CPNE4: variants seen among roughly 807,000 people sequenced by gnomAD.
CPNE4 encodes copine 4, also known as copine-4.
CPNE4 carries 25 observed loss-of-function variants against 67.9 expected under a neutral mutation model. The observed-to-expected ratio is 0.37, with a 90% CI of 0.27 to 0.51. CPNE4 has a LOEUF of 0.51. Ranked by LOEUF, CPNE4 falls within the 20% of genes least tolerant of loss-of-function variation. The probability of loss-of-function intolerance (pLI) is 0.93; values close to 1 mark genes in which losing one functional copy is unlikely to be tolerated. For missense variants in CPNE4, 464 were observed against 690.8 expected (o/e 0.67, Z 3.68); for synonymous variants, 242 against 244.9 (o/e 0.99, Z 0.11).
intron 2 of CPNE4, among the ~76,000 whole-genome samples, chr3:131,857,166 T>C (rs1382837241): frequency 6.6e-6 from 1 of 152,022 alleles, no homozygotes; most frequent in African/African-American, 2.4e-5. Context: ...AACACCTTAT[T>C]GAAAGATACT....
Position 131,990,821 on chromosome 3 carries a change from C to A in CPNE4, c.-2+43746G>T, listed in dbSNP as rs755510277. On this transcript the variant is annotated intron_variant, in intron 1 of 15. Coordinates refer to ENST00000429747, the MANE Select transcript of CPNE4 (RefSeq NM_130808.3). ...CAAATCTCATCTTGAATTATAATTCCCATAATCCCCATGTGTCATGGGAGG... is the reference window on the plus strand; with the variant it reads ...CAAATCTCATCTTGAATTATAATTCACATAATCCCCATGTGTCATGGGAGG... Among the ~76,000 whole-genome samples the A allele has an allele frequency of 5.2e-5, 7 of 135,346 alleles. 3 individuals carry two copies. The highest frequency in any genetic ancestry group is 1.0e-4 in the Non-Finnish European group (6 of 59,678). 88.8% of individuals were successfully genotyped at this position (135,346 alleles called of 152,430 possible).
chr3:131,942,215 A>T (rs2071407580), intron 1 of CPNE4, among the ~76,000 whole-genome samples: 1 of 152,114 alleles, frequency 6.6e-6, no homozygotes. Context: ...TCTCTTGTTT[A>T]TAAGGCACTT....
At chr3:131,989,019 T>C (rs1246657434) in intron 1 of CPNE4, among the ~76,000 whole-genome samples, 1 of 152,232 alleles carries the variant, frequency 6.6e-6, no homozygotes, top group Non-Finnish European at 1.5e-5. Context: ...TATATAGAGA[T>C]ACATGCTTAG....
At chr3:131,643,492 A>G (rs2079587913) in intron 7 of CPNE4, among the ~76,000 whole-genome samples, 1 of 152,184 alleles carries the variant, frequency 6.6e-6, no homozygotes, top group Non-Finnish European at 1.5e-5. Flanking sequence ...CTCATAGGCA[A>G]AAGGGATCAG....
intron 1 of CPNE4, among the ~76,000 whole-genome samples, chr3:131,972,059 T>C (rs959251278): frequency 2.6e-5 from 4 of 152,110 alleles, no homozygotes; most frequent in Admixed American, 1.3e-4. Flanking sequence ...AAAATGTTCA[T>C]GGCAACTGAG....
At chr3:131,867,079 T>A (rs569077642) in intron 2 of CPNE4, among the ~76,000 whole-genome samples, 3 of 152,112 alleles carry the variant, frequency 2.0e-5, no homozygotes, top group African/African-American at 7.2e-5. Flanking sequence ...GAAATTCAGG[T>A]GAGAAGTCAA....
chr3:131,545,869 T>C (rs1935807356), intron 14 of CPNE4, among the ~76,000 whole-genome samples: 1 of 152,070 alleles, frequency 6.6e-6, no homozygotes, highest in Non-Finnish European at 1.5e-5. Flanking sequence ...CAAGACCATC[T>C]TGGCCAACAT....
At chr3:131,547,907 A>G (rs1421653288) in intron 14 of CPNE4, among the ~76,000 whole-genome samples, 1 of 152,160 alleles carries the variant, frequency 6.6e-6, no homozygotes, top group African/African-American at 2.4e-5. Context: ...AACTGTGGTC[A>G]ACTATGTTAA....
At chr3:131,636,319 C>T (rs1319906375) in intron 7 of CPNE4, among the ~76,000 whole-genome samples, 1 of 152,182 alleles carries the variant, frequency 6.6e-6, no homozygotes, top group African/African-American at 2.4e-5. Flanking sequence ...GTGAGACCGG[C>T]CTTTAGGATT....
intron 6 of CPNE4, among the ~76,000 whole-genome samples, chr3:131,677,361 T>A (rs1322180099): frequency 6.6e-6 from 1 of 152,128 alleles, no homozygotes; most frequent in Non-Finnish European, 1.5e-5. Context: ...TTTGCAAAAA[T>A]TTTCTCCCAT....
intron 1 of CPNE4, among the ~76,000 whole-genome samples, chr3:132,003,658 T>C (rs1016799966): frequency 6.6e-6 from 1 of 152,070 alleles, no homozygotes; most frequent in Non-Finnish European, 1.5e-5. Flanking sequence ...ACAAGCACAC[T>C]GTCCTTGAAT....
At chr3:131,655,054 A>G (rs1432325229) in intron 7 of CPNE4, among the ~76,000 whole-genome samples, 1 of 152,252 alleles carries the variant, frequency 6.6e-6, no homozygotes, top group Admixed American at 6.5e-5. Context: ...GTTTTCATAA[A>G]AAAGAAACAG....
chr3:131,720,081 T>C (rs981686329), intron 3 of CPNE4, among the ~76,000 whole-genome samples: 1 of 152,138 alleles, frequency 6.6e-6, no homozygotes, highest in Non-Finnish European at 1.5e-5. Flanking sequence ...GGGTATTAAA[T>C]AGGCAATCCA....
intron 2 of CPNE4, among the ~76,000 whole-genome samples, chr3:131,819,559 G>T (rs1204559803): frequency 6.6e-6 from 1 of 151,540 alleles, no homozygotes. Context: ...TGCTTGGCAT[G>T]AATATGTATA....
upstream of CPNE4, chr3:132,038,083 T>A (rs2074367478): frequency 6.5e-6 from 1 of 153,282 alleles, no homozygotes; most frequent in Non-Finnish European, 1.4e-5. Flanking sequence ...GTGGATCATA[T>A]AAGAACTTTG....
chr3:131,738,756 G>C (rs1007280040), intron 2 of CPNE4, among the ~76,000 whole-genome samples: 1 of 151,794 alleles, frequency 6.6e-6, no homozygotes, highest in African/African-American at 2.4e-5. Flanking sequence ...CCTTGATTTT[G>C]CTTAATCAAA....
At chr3:131,830,158 C>T (rs2085311132) in intron 2 of CPNE4, among the ~76,000 whole-genome samples, 1 of 152,100 alleles carries the variant, frequency 6.6e-6, no homozygotes, top group Non-Finnish European at 1.5e-5. Context: ...AGTGATTCAC[C>T]CTCCAATGCT....
At chr3:131,643,801 A>G (rs1006687400) in intron 7 of CPNE4, among the ~76,000 whole-genome samples, 2 of 152,118 alleles carry the variant, frequency 1.3e-5, no homozygotes, top group Non-Finnish European at 1.5e-5. Flanking sequence ...TGATGGTTTT[A>G]TAAGGGGCTT....
chr3:131,848,379 T>C (rs2086087700), intron 2 of CPNE4, among the ~76,000 whole-genome samples: 1 of 152,140 alleles, frequency 6.6e-6, no homozygotes, highest in South Asian at 2.1e-4. Context: ...CCCTACTTTA[T>C]CTCATCACAC....
Sources: gnomAD v4.1 joint callset for allele counts (sites outside exome capture counted in the v4.1 genomes callset) on GRCh38, gnomAD v4.1.1 for gene constraint, MANE v1.5 for transcripts, NCBI Gene and HGNC (gene_info 2026-07-23, HGNC 2026-07-21) for gene names.